Variants in SCN9A observed in about 807,000 individuals in gnomAD.
SCN9A encodes sodium channel protein type 9 subunit alpha.
SCN9A carries 131 observed loss-of-function variants against 187.0 expected under a neutral mutation model. The observed-to-expected ratio is 0.70, with a 90% CI of 0.61 to 0.81. The LOEUF (loss-of-function observed/expected upper bound fraction) is 0.81, where lower values mean the gene tolerates loss of function less well. Among genes scored for constraint, SCN9A ranks in the 30% least tolerant of loss-of-function variants. SCN9A has a pLI of 0.00. For synonymous variants in SCN9A, 809 were observed against 808.6 expected (o/e 1.00, Z -0.01); for missense variants, 2,252 against 2,396.6 (o/e 0.94, Z 1.26).
Position 166,242,538 on chromosome 2 carries a change from G to A in SCN9A, c.3591C>T (p.Phe1197=). Residue 1197 remains phenylalanine, a synonymous_variant, in exon 19 of 27, where the codon TTC becomes TTT. Coordinates refer to ENST00000642356, the MANE Select transcript of SCN9A (RefSeq NM_001365536.1). ...TGCTGAGCAGGATCATGAGGACAATGAAGCTTTCAAACCAACTGTGTTCAA... is the reference window on the plus strand; with the variant it reads ...TGCTGAGCAGGATCATGAGGACAATAAAGCTTTCAAACCAACTGTGTTCAA... The part of the protein sequence containing the change: ...KIVEHSWFES[F]IVLMILLSSG... 6.3e-7 allele frequency: 1 copy of A among 1,596,800 alleles called. No individual in the cohort carries two copies. Among genetic ancestry groups the A allele is most frequent in the South Asian group, 1.1e-5 (1 of 87,816 alleles).
rs567155898 is a variant in SCN9A, at chr2:166,287,486, A to T, written c.1315-863T>A. 1.2e-4 allele frequency among the ~76,000 whole-genome samples: 18 copies of T among 152,198 alleles called. No homozygotes were observed. The East Asian group carries it at 1.9e-3, about 16-fold the overall frequency. On this transcript the variant is annotated intron_variant, in intron 10 of 26. Transcript: ENST00000642356. ...TATTTTCTAATTTTCCAAAATTTAAATTTTTTCTGATTTTTACCATTATTA... is the reference window on the plus strand; with the variant it reads ...TATTTTCTAATTTTCCAAAATTTAATTTTTTTCTGATTTTTACCATTATTA...
intron 17 of SCN9A, among the ~76,000 whole-genome samples, chr2:166,266,054 CT>C (rs1328444182): frequency 6.6e-6 from 1 of 151,888 alleles, no homozygotes; most frequent in Non-Finnish European, 1.5e-5. Context: ...TGTGCAGAAG[CT>C]TTTTAGTTTA....
chr2:166,203,266 C>T (rs1476366869), intron 26 of SCN9A, among the ~76,000 whole-genome samples: 2 of 151,790 alleles, frequency 1.3e-5, no homozygotes, highest in African/African-American at 2.4e-5. Context: ...TAATCTCTCT[C>T]TCTTAAAAGT....
At chr2:166,288,370 G>T in intron 10 of SCN9A, 67 bp downstream of exon 10, 2 of 1,265,750 alleles carry the variant, frequency 1.6e-6, no homozygotes, top group Middle Eastern at 2.8e-4. Context: ...AGCATATACC[G>T]CAGAGCCTCT....
rs936847369 is a variant in SCN9A at position 166,196,753 on chromosome 2, C to T, written c.*1919G>A. On this transcript the variant is annotated 3_prime_UTR_variant, in exon 27 of 27. Coordinates refer to ENST00000642356, the MANE Select transcript of SCN9A (RefSeq NM_001365536.1). ...TGTGATAAAATGATCTATGTAGTCTCGGAAAACACTGCATGGTGTCTTTCA... is the reference window on the plus strand; with the variant it reads ...TGTGATAAAATGATCTATGTAGTCTTGGAAAACACTGCATGGTGTCTTTCA... 3 of 151,970 alleles carry T rather than the reference C, an allele frequency of 2.0e-5. No individual in the cohort carries two copies. The highest frequency in any genetic ancestry group is 2.1e-4 in the South Asian group (1 of 4,812). The allele number at this position is 151,970 out of a possible 1,614,324, so 9.4% of individuals were successfully genotyped here.
At chr2:166,264,492 ATTG>A (rs1284412711) in intron 17 of SCN9A, among the ~76,000 whole-genome samples, 1 of 151,974 alleles carries the variant, frequency 6.6e-6, no homozygotes, top group Non-Finnish European at 1.5e-5. Flanking sequence ...GAGAAGTGCT[ATTG>A]TTCTATTTCC....
chr2:166,219,918 A>C (rs1694510322), intron 24 of SCN9A, among the ~76,000 whole-genome samples: 1 of 152,182 alleles, frequency 6.6e-6, no homozygotes, highest in Admixed American at 6.5e-5. Context: ...TTTGTACCCC[A>C]TAAATAAGCA....
chr2:166,198,848 C>G lies in SCN9A; in HGVS notation c.5791G>C (p.Asp1931His), dbSNP rs200410805. Reference protein sequence around the residue: ...DRDDDLLNKKDMAFDNVNENS... With the variant: ...DRDDDLLNKKHMAFDNVNENS... ...TCATTAACATTATCAAAAGCCATAT[C>G]TTTTTTATTGAGTAAATCATCATCT... Residue 1931 changes from aspartate to histidine, a missense_variant, in exon 27 of 27, where the codon GAT (aspartate) becomes CAT (histidine). Asp to His is a moderately conservative substitution (Grantham distance 81, BLOSUM62 -1). Around this residue, in one of 7 missense-constraint regions of SCN9A, gnomAD observed 345 missense variants for 344.6 expected, o/e 1.00. Coordinates refer to ENST00000642356, the MANE Select transcript of SCN9A (RefSeq NM_001365536.1). The G allele has an allele frequency of 2.2e-4, 347 of 1,613,688 alleles. No individual in the cohort carries two copies. The African/African-American group carries it at 4.2e-3, about 19-fold the overall frequency.
Position 166,239,221 on chromosome 2 carries a change from T to TAAAAAAAAAAAA in SCN9A, c.3628-955_3628-954insTTTTTTTTTTTT, listed in dbSNP as rs1558974298. On this transcript the variant is annotated intron_variant, in intron 19 of 26. Coordinates refer to ENST00000642356, the MANE Select transcript of SCN9A (RefSeq NM_001365536.1). ...CTGGGCAACAGAGCAAGACTCTGTC[T>TAAAAAAAAAAAA]CAAAAAAAAAAAAAAAAAAAAGGCT... Among the ~76,000 whole-genome samples, 8 of 130,082 alleles carry TAAAAAAAAAAAA rather than the reference T, an allele frequency of 6.1e-5. 3 individuals carry two copies. Among genetic ancestry groups the TAAAAAAAAAAAA allele is most frequent in the African/African-American group, 5.8e-5 (2 of 34,450 alleles). The allele number at this position is 130,082 out of a possible 152,430, so 85.3% of individuals were successfully genotyped here.
intron 15 of SCN9A, 50 bp from the exon 16 acceptor site, chr2:166,277,389 A>G (rs1283208716): frequency 2.4e-6 from 3 of 1,262,776 alleles, no homozygotes; most frequent in East Asian, 2.4e-5. Flanking sequence ...AATCTTTTCA[A>G]TGTTTCCAAT....
chr2:166,367,325 C>T (rs1178411663), intron 1 of SCN9A, among the ~76,000 whole-genome samples: 2 of 152,106 alleles, frequency 1.3e-5, no homozygotes, highest in African/African-American at 2.4e-5. Context: ...TGCAGTGGCT[C>T]GATCTCAGCT....
intron 1 of SCN9A, among the ~76,000 whole-genome samples, chr2:166,360,773 A>C (rs1008242443): frequency 7.9e-5 from 12 of 152,348 alleles, no homozygotes; most frequent in Middle Eastern, 3.4e-3. Flanking sequence ...AGGCTAAATA[A>C]ATAACAGCAA....
At chr2:166,221,625 T>C (rs116830595) in intron 24 of SCN9A, among the ~76,000 whole-genome samples, 3,152 of 152,226 alleles carry the variant, frequency 0.021, 120 homozygotes, top group African/African-American at 0.073. Flanking sequence ...CTCAAACTCT[T>C]GGCCACAAGT....
chr2:166,200,286 C>T (rs1056157802), intron 26 of SCN9A, among the ~76,000 whole-genome samples: 12 of 151,536 alleles, frequency 7.9e-5, no homozygotes, highest in Non-Finnish European at 1.2e-4. Context: ...CGTGAGCCAC[C>T]GTGCCCGGCC....
chr2:166,302,129 A>G (rs1698580023), intron 7 of SCN9A: 1 of 150,968 alleles, frequency 6.6e-6, no homozygotes, highest in African/African-American at 2.5e-5. Context: ...CAGCACATAT[A>G]TTTGAAAGGT....
intron 17 of SCN9A, among the ~76,000 whole-genome samples, chr2:166,268,938 T>A (rs1036999362): frequency 3.3e-5 from 5 of 151,702 alleles, no homozygotes; most frequent in Non-Finnish European, 7.4e-5. Context: ...AACAAACACT[T>A]TTTTTAAAAT....
intron 17 of SCN9A, among the ~76,000 whole-genome samples, chr2:166,252,583 A>G (rs1005222642): frequency 1.3e-5 from 2 of 151,952 alleles, no homozygotes; most frequent in Non-Finnish European, 2.9e-5. Context: ...ATTATTTATA[A>G]TGTCAAGAAA....
At chr2:166,284,017 A>T (rs2106481994) in intron 12 of SCN9A, among the ~76,000 whole-genome samples, 1 of 152,342 alleles carries the variant, frequency 6.6e-6, no homozygotes, top group African/African-American at 2.4e-5. Context: ...AACAACTCAA[A>T]TAAGATTCCT....
chr2:166,295,435 A>C (rs1048533322), intron 7 of SCN9A, among the ~76,000 whole-genome samples: 2 of 152,186 alleles, frequency 1.3e-5, no homozygotes, highest in Non-Finnish European at 2.9e-5. Context: ...CCTAGATGGT[A>C]TAGGCTACCA....
Sources: allele counts gnomAD v4.1 joint callset (sites outside exome capture counted in the v4.1 genomes callset), GRCh38; gene constraint gnomAD v4.1.1; regional missense constraint gnomAD v4.1.1; transcripts MANE v1.5; gene names NCBI Gene and HGNC (gene_info 2026-07-23, HGNC 2026-07-21).